SSBP3: variants seen among roughly 807,000 people sequenced by gnomAD.
The protein encoded by SSBP3 is single-stranded DNA-binding protein 3.
A neutral mutation model predicts 69.6 loss-of-function variants in SSBP3; 5 were observed. The observed-to-expected ratio is 0.07, with a 90% confidence interval of 0.04 to 0.15. The LOEUF is 0.15. SSBP3 is among the 10% of genes least tolerant of loss of function. SSBP3 has a pLI of 1.00. For missense variants in SSBP3, 312 were observed against 534.0 expected, an observed-to-expected ratio of 0.58 and a Z score of 4.10; for synonymous variants, 196 against 193.4, an observed-to-expected ratio of 1.01 and a Z score of -0.11.
At chr1:54,391,625 G>A (rs951304178) in intron 4 of SSBP3, among the ~76,000 whole-genome samples, 1 of 152,224 alleles carries the variant, frequency 6.6e-6, no homozygotes, top group African/African-American at 2.4e-5. Context: ...GCCCCAGGGA[G>A]CAGTTGTGCT....
intron 4 of SSBP3, among the ~76,000 whole-genome samples, chr1:54,323,487 G>A (rs1243941064): frequency 1.3e-5 from 2 of 152,284 alleles, no homozygotes; most frequent in African/African-American, 4.8e-5. Flanking sequence ...CCTGGGAGGA[G>A]GTGTTGCTCC....
At chr1:54,301,997 G>A (rs372019659) in intron 4 of SSBP3, among the ~76,000 whole-genome samples, 1 of 150,624 alleles carries the variant, frequency 6.6e-6, no homozygotes, top group Non-Finnish European at 1.5e-5. Context: ...ACGGAGGCAC[G>A]AACTATGCAA....
chr1:54,340,460 A>G (rs908168294), intron 4 of SSBP3, among the ~76,000 whole-genome samples: 7 of 152,186 alleles, frequency 4.6e-5, no homozygotes, highest in African/African-American at 1.7e-4. Context: ...TTGTGGGCAT[A>G]TGCCTGTCCA....
intron 4 of SSBP3, among the ~76,000 whole-genome samples, chr1:54,323,574 C>T (rs922821707): frequency 1.3e-5 from 2 of 152,172 alleles, no homozygotes; most frequent in African/African-American, 2.4e-5. Context: ...CACCTCACCA[C>T]GCTATCTGCC....
intron 7 of SSBP3, among the ~76,000 whole-genome samples, chr1:54,253,812 C>T (rs1644872835): frequency 6.6e-6 from 1 of 152,342 alleles, no homozygotes; most frequent in South Asian, 2.1e-4. Flanking sequence ...CCAACCCAGA[C>T]AGTGCAGCCA....
intron 4 of SSBP3, among the ~76,000 whole-genome samples, chr1:54,335,139 G>A (rs940339336): frequency 3.9e-5 from 6 of 152,066 alleles, no homozygotes; most frequent in South Asian, 2.1e-4. Flanking sequence ...CCCAACACCC[G>A]GACACAAGAA....
At chr1:54,324,350 G>A (rs1646264809) in intron 4 of SSBP3, among the ~76,000 whole-genome samples, 1 of 152,186 alleles carries the variant, frequency 6.6e-6, no homozygotes, top group South Asian at 2.1e-4. Flanking sequence ...CACAGCCCCA[G>A]CATGAGGCTC....
chr1:54,358,702 G>A (rs755159708), intron 4 of SSBP3, among the ~76,000 whole-genome samples: 14 of 152,318 alleles, frequency 9.2e-5, no homozygotes, highest in East Asian at 7.7e-4. Context: ...CTGTGGGGAC[G>A]ATGGATGCAA....
intron 5 of SSBP3, among the ~76,000 whole-genome samples, chr1:54,264,201 C>CA (rs1216386240): frequency 6.6e-6 from 1 of 152,102 alleles, no homozygotes; most frequent in East Asian, 1.9e-4. Context: ...ACTCAGGAGA[C>CA]AGAGGTGGGA....
chr1:54,255,501 G>C (rs1481018541), intron 7 of SSBP3: 2 of 152,192 alleles, frequency 1.3e-5, no homozygotes, highest in Non-Finnish European at 2.9e-5. Context: ...TGTGAAAACT[G>C]AGGAAAGGGG....
intron 4 of SSBP3, among the ~76,000 whole-genome samples, chr1:54,285,251 C>T (rs1007929287): frequency 2.6e-5 from 4 of 152,110 alleles, no homozygotes; most frequent in African/African-American, 9.7e-5. Flanking sequence ...AAAGCAGCAA[C>T]CAGTGGTATA....
At chr1:54,355,465 C>G (rs1646848130) in intron 4 of SSBP3, among the ~76,000 whole-genome samples, 1 of 152,198 alleles carries the variant, frequency 6.6e-6, no homozygotes, top group African/African-American at 2.4e-5. Flanking sequence ...TCTCCCGCCT[C>G]AACTTCCCAA....
intron 4 of SSBP3, 95 bp from the exon 5 acceptor site, chr1:54,281,622 A>T: frequency 8.6e-7 from 1 of 1,157,032 alleles, no homozygotes; most frequent in East Asian, 2.6e-5. Context: ...GTCCGTCCAC[A>T]TTCCCCGTGG....
upstream of SSBP3, among the ~76,000 whole-genome samples, chr1:54,408,886 G>A (rs540832326): frequency 6.6e-6 from 1 of 152,312 alleles, no homozygotes; most frequent in South Asian, 2.1e-4. Context: ...CTGCACGATG[G>A]TTGGTAGATC....
chr1:54,364,685 C>T (rs1647002177), intron 4 of SSBP3, among the ~76,000 whole-genome samples: 2 of 152,204 alleles, frequency 1.3e-5, no homozygotes, highest in South Asian at 4.1e-4. Context: ...GGCAGCCTAT[C>T]TTCAGCCCTT....
chr1:54,259,338 C>T (rs1468762028), intron 5 of SSBP3, among the ~76,000 whole-genome samples: 1 of 152,058 alleles, frequency 6.6e-6, no homozygotes, highest in Non-Finnish European at 1.5e-5. Flanking sequence ...AGGTGTCTTT[C>T]ATGAACCCCG....
chr1:54,252,775 A>G (rs1300999839), intron 7 of SSBP3, among the ~76,000 whole-genome samples: 1 of 152,222 alleles, frequency 6.6e-6, no homozygotes, highest in East Asian at 1.9e-4. Flanking sequence ...GCTGGGGGGA[A>G]GTTTGCTTCT....
intron 5 of SSBP3, among the ~76,000 whole-genome samples, chr1:54,260,250 G>C (rs1204619222): frequency 1.3e-5 from 2 of 152,260 alleles, no homozygotes; most frequent in Non-Finnish European, 2.9e-5. Flanking sequence ...CAGTTGCCAA[G>C]AGGGGGCAAA....
intron 4 of SSBP3, among the ~76,000 whole-genome samples, chr1:54,396,613 AG>A (rs955360536): frequency 4.5e-4 from 69 of 152,224 alleles, no homozygotes; most frequent in African/African-American, 1.6e-3. Flanking sequence ...AGACGACCTA[AG>A]GAACTGTGGG....
Sources: allele counts gnomAD v4.1 joint callset (sites outside exome capture counted in the v4.1 genomes callset), GRCh38; gene constraint gnomAD v4.1.1; transcripts MANE v1.5; gene names NCBI Gene and HGNC (gene_info 2026-07-23, HGNC 2026-07-21).